TRIM5: variants seen among roughly 807,000 people sequenced by gnomAD.
TRIM5 encodes the protein tripartite motif containing 5.
In TRIM5, 31 loss-of-function variants were observed where a neutral mutation model predicts 35.6. The observed-to-expected ratio is 0.87, with a 90% CI of 0.65 to 1.18. The LOEUF is 1.18. Ranked by LOEUF, TRIM5 falls within the 50% of genes most tolerant of loss-of-function variation. TRIM5 has a pLI of 0.00. For missense variants in TRIM5, 609 were observed against 591.6 expected, an observed-to-expected ratio of 1.03 and a Z score of -0.31; for synonymous variants, 243 against 215.6, an observed-to-expected ratio of 1.13 and a Z score of -1.11.
the TRIM5 span, among the ~76,000 whole-genome samples, chr11:5,635,469 T>G: frequency 6.6e-6 from 1 of 151,982 alleles, no homozygotes; most frequent in Non-Finnish European, 1.5e-5. Flanking sequence ...TGCTAGCCAG[T>G]ATGGTATTAA....
the TRIM5 span, among the ~76,000 whole-genome samples, chr11:5,592,933 AAAAAGAAAAAG>A: frequency 2.9e-5 from 4 of 135,668 alleles, no homozygotes; most frequent in Admixed American, 7.2e-5. Flanking sequence ...AAAAAAAAGA[AAAAAGAAAAAG>A]AAAAAAGAAG....
At chr11:5,674,908 C>A (rs1471444479) in intron 4 of TRIM5, among the ~76,000 whole-genome samples, 1 of 152,046 alleles carries the variant, frequency 6.6e-6, no homozygotes, top group African/African-American at 2.4e-5. Context: ...AGAGTTGAGG[C>A]CGATATTGGT....
intron 1 of TRIM5, among the ~76,000 whole-genome samples, chr11:5,683,198 G>T (rs1444635735): frequency 3.3e-5 from 5 of 152,190 alleles, no homozygotes; most frequent in Non-Finnish European, 2.9e-5. Context: ...GACCCCTTGG[G>T]CTCCTGTGCT....
the TRIM5 span, chr11:5,596,533 C>A: frequency 1.0e-3 from 27 of 26,860 alleles, 1 homozygote; most frequent in African/African-American, 2.3e-3. Context: ...CCCCCTTCCC[C>A]CTTCCCCCTT....
chr11:5,660,868 C>T (rs550630551), downstream of TRIM5, among the ~76,000 whole-genome samples: 13 of 151,548 alleles, frequency 8.6e-5, no homozygotes, highest in Admixed American at 7.9e-4. Flanking sequence ...CGGTGAAACC[C>T]TGACTCTACT....
chr11:5,616,191 T>G, the TRIM5 span, among the ~76,000 whole-genome samples: 1 of 108,620 alleles, frequency 9.2e-6, no homozygotes, highest in Non-Finnish European at 2.1e-5. Flanking sequence ...GACTTCGTGA[T>G]CCACCCGCCT....
the TRIM5 span, among the ~76,000 whole-genome samples, chr11:5,605,734 C>T: frequency 3.3e-5 from 5 of 152,200 alleles, no homozygotes; most frequent in South Asian, 2.1e-4. Flanking sequence ...TGGAGTAAAG[C>T]GTAAGATAAT....
chr11:5,634,507 AC>A, the TRIM5 span: 2 of 452,708 alleles, frequency 4.4e-6, no homozygotes, highest in South Asian at 1.3e-4. Flanking sequence ...ACACACACAC[AC>A]ACACACACAC....
At chr11:5,653,349 A>T in the TRIM5 span, among the ~76,000 whole-genome samples, 7 of 152,138 alleles carry the variant, frequency 4.6e-5, no homozygotes, top group Admixed American at 4.6e-4. Flanking sequence ...GGCTTCCTAT[A>T]TCTGGATATC....
chr11:5,634,494 C>CACACACACACACACAA, the TRIM5 span: 18 of 30,670 alleles, frequency 5.9e-4, 1 homozygote, highest in South Asian at 4.0e-3. Flanking sequence ...AATATAAATA[C>CACACACACACACACAA]ACACACACAC....
chr11:5,637,098 A>G, the TRIM5 span, among the ~76,000 whole-genome samples: 44,071 of 152,026 alleles, frequency 0.29, 7,216 homozygotes, highest in East Asian at 0.62. Context: ...GTGTGAACCC[A>G]GGAGGCGGAG....
chr11:5,630,229 C>A, the TRIM5 span, among the ~76,000 whole-genome samples: 1 of 152,020 alleles, frequency 6.6e-6, no homozygotes, highest in African/African-American at 2.4e-5. Flanking sequence ...AATAATATAC[C>A]AGGGGATGGT....
downstream of TRIM5, among the ~76,000 whole-genome samples, chr11:5,662,284 T>G (rs1242260014): frequency 6.6e-6 from 1 of 152,068 alleles, no homozygotes; most frequent in Non-Finnish European, 1.5e-5. Flanking sequence ...AACAAAAAAC[T>G]TCAGCTCAAA....
At chr11:5,601,518 G>T in the TRIM5 span, among the ~76,000 whole-genome samples, 1 of 152,128 alleles carries the variant, frequency 6.6e-6, no homozygotes, top group African/African-American at 2.4e-5. Context: ...AGCACTTTGG[G>T]AGGCCAAGGC....
chr11:5,643,587 GT>G, the TRIM5 span: 1 of 1,614,108 alleles, frequency 6.2e-7, no homozygotes, highest in Non-Finnish European at 8.5e-7. Context: ...ATTTTTCAAT[GT>G]CACAAGCCAT....
At chr11:5,661,737 A>G (rs1226745073), downstream of TRIM5, among the ~76,000 whole-genome samples, 51 of 152,190 alleles carry the variant, frequency 3.4e-4, no homozygotes, top group Non-Finnish European at 2.1e-4. Flanking sequence ...TGCCTTCTTC[A>G]GCCTTTTACT....
chr11:5,589,633 T>G, the TRIM5 span: 3 of 152,184 alleles, frequency 2.0e-5, no homozygotes, highest in Non-Finnish European at 4.4e-5. Context: ...AGAAAACATC[T>G]TTTAACAGAA....
the TRIM5 span, chr11:5,604,609 G>A: frequency 1.2e-6 from 2 of 1,612,704 alleles, no homozygotes; most frequent in East Asian, 2.2e-5. Flanking sequence ...TTTTATCAGA[G>A]AGAAGAAAAC....
the TRIM5 span, chr11:5,643,336 T>C: frequency 6.2e-7 from 1 of 1,613,926 alleles, no homozygotes; most frequent in Middle Eastern, 1.6e-4. Context: ...ATCCTGGGGG[T>C]ATACTGTAGA....
Sources: gnomAD v4.1 joint callset for allele counts (sites outside exome capture counted in the v4.1 genomes callset) on GRCh38, gnomAD v4.1.1 for gene constraint, MANE v1.5 for transcripts, NCBI Gene and HGNC (gene_info 2026-07-23, HGNC 2026-07-21) for gene names.